The following ENAH variants were observed in gnomAD, a reference collection of about 807,000 sequenced individuals.
ENAH encodes protein enabled homolog.
ENAH carries 23 observed loss-of-function variants against 78.7 expected under a neutral mutation model. That is an observed-to-expected ratio of 0.29 (90% CI 0.21 to 0.41). The LOEUF is 0.41. Ranked by LOEUF, ENAH falls within the 10% of genes least tolerant of loss-of-function variation. The pLI is 1.00. For synonymous variants in ENAH, 226 were observed against 241.0 expected, an observed-to-expected ratio of 0.94 and a Z score of 0.58; for missense variants, 544 against 691.0, an observed-to-expected ratio of 0.79 and a Z score of 2.39.
intron 1 of ENAH, among the ~76,000 whole-genome samples, chr1:225,633,285 C>G (rs1024501263): frequency 6.6e-6 from 1 of 151,490 alleles, no homozygotes; most frequent in Non-Finnish European, 1.5e-5. Flanking sequence ...CTCCTGACCT[C>G]GTGATCCACC....
chr1:225,621,957 ATC>A (rs1657054888), intron 1 of ENAH, among the ~76,000 whole-genome samples: 1 of 152,132 alleles, frequency 6.6e-6, no homozygotes. Context: ...CCCTCTTCGT[ATC>A]TCTCACTTCA....
intron 7 of ENAH, 57 bp downstream of exon 7, chr1:225,514,539 T>C (rs1342298332): frequency 5.0e-6 from 6 of 1,200,072 alleles, no homozygotes; most frequent in East Asian, 4.8e-5. Context: ...AATTCAACAT[T>C]TTAGATATTT....
upstream of ENAH, among the ~76,000 whole-genome samples, chr1:225,653,868 T>C (rs574182110): frequency 6.6e-6 from 1 of 152,342 alleles, no homozygotes; most frequent in African/African-American, 2.4e-5. This position sits in a 1 kb window ranked among gnomAD's most constrained non-coding sequence, Gnocchi z 4.3. Flanking sequence ...GCTCCTTTTC[T>C]TCCCGAGGAA....
At chr1:225,508,789 A>G (rs1287011957) in intron 10 of ENAH, among the ~76,000 whole-genome samples, 1 of 152,200 alleles carries the variant, frequency 6.6e-6, no homozygotes, top group African/African-American at 2.4e-5. Context: ...TGGAGGAAAG[A>G]ATTTGGGCCA....
chr1:225,594,613 G>A (rs2096893613), intron 1 of ENAH, among the ~76,000 whole-genome samples: 1 of 152,102 alleles, frequency 6.6e-6, no homozygotes, highest in Admixed American at 6.5e-5. Flanking sequence ...CCAGTGTAGA[G>A]AACTGCATCA....
intron 1 of ENAH, among the ~76,000 whole-genome samples, chr1:225,584,171 T>A (rs1419042413): frequency 2.0e-5 from 3 of 152,100 alleles, no homozygotes; most frequent in African/African-American, 4.8e-5. Flanking sequence ...AAAAGGTAAA[T>A]ACAGGATAAA....
intron 1 of ENAH, among the ~76,000 whole-genome samples, chr1:225,573,276 T>C (rs1035420308): frequency 6.6e-6 from 1 of 152,222 alleles, no homozygotes; most frequent in African/African-American, 2.4e-5. Flanking sequence ...AGGCACTCTT[T>C]AAATGCTTTT....
chr1:225,619,303 G>A (rs182936532), intron 1 of ENAH, among the ~76,000 whole-genome samples: 1 of 152,216 alleles, frequency 6.6e-6, no homozygotes, highest in East Asian at 1.9e-4. Context: ...AGCACTTTGG[G>A]AGGCCAAGGC....
intron 1 of ENAH, among the ~76,000 whole-genome samples, chr1:225,586,422 G>GA (rs2096847324): frequency 6.6e-6 from 1 of 151,626 alleles, no homozygotes; most frequent in South Asian, 2.1e-4. Context: ...AATAGCTCAG[G>GA]AAAAAACAGC....
At chr1:225,533,570 T>G (rs1186327525) in intron 3 of ENAH, among the ~76,000 whole-genome samples, 3 of 152,146 alleles carry the variant, frequency 2.0e-5, no homozygotes, top group Non-Finnish European at 4.4e-5. Context: ...TTTGAGAGTT[T>G]GTTCTCTCCC....
rs185749464 is a variant in ENAH, at chr1:225,612,252, G to T, written c.5+40434C>A. Among the ~76,000 whole-genome samples the T allele has an allele frequency of 3.0e-4, 46 of 152,310 alleles. 1 individual carries two copies. The East Asian group carries it at 8.1e-3, about 27-fold the overall frequency. On this transcript the variant is annotated intron_variant, in intron 1 of 13. Transcript: ENST00000366843. ...AACGATGGAATATTAGCCATAAAAA[G>T]GGAAGACGTACTGACACTGCTATGA...
intron 5 of ENAH, among the ~76,000 whole-genome samples, chr1:225,518,201 A>G (rs2096436880): frequency 6.6e-6 from 1 of 152,246 alleles, no homozygotes; most frequent in Admixed American, 6.5e-5. Flanking sequence ...AAGGGGATGA[A>G]ATAAGTTTCC....
chr1:225,614,673 C>A (rs966251124), intron 1 of ENAH, among the ~76,000 whole-genome samples: 36 of 152,176 alleles, frequency 2.4e-4, no homozygotes, highest in South Asian at 2.1e-4. Context: ...CCAGCTCCCC[C>A]ACCCTGAAGC....
intron 1 of ENAH, among the ~76,000 whole-genome samples, chr1:225,618,387 T>A (rs1331445935): frequency 1.3e-5 from 2 of 152,140 alleles, no homozygotes; most frequent in Non-Finnish European, 2.9e-5. Flanking sequence ...AAAAGAATGG[T>A]CATCCAGATA....
chr1:225,557,234 T>C (rs2096671625), intron 2 of ENAH, among the ~76,000 whole-genome samples: 1 of 152,188 alleles, frequency 6.6e-6, no homozygotes, highest in Non-Finnish European at 1.5e-5. Context: ...AGTATCTTTA[T>C]AGGGGTCTTG....
At chr1:225,621,538 CGCCTCG>C (rs1256814711) in intron 1 of ENAH, among the ~76,000 whole-genome samples, 2 of 151,844 alleles carry the variant, frequency 1.3e-5, no homozygotes, top group African/African-American at 4.8e-5. Flanking sequence ...GTGATCCGCC[CGCCTCG>C]GCCTCCCAAA....
intron 1 of ENAH, among the ~76,000 whole-genome samples, chr1:225,647,119 G>A (rs777904702): frequency 1.1e-4 from 17 of 151,822 alleles, no homozygotes; most frequent in Non-Finnish European, 1.6e-4. Flanking sequence ...TCAGCTACTC[G>A]GGAGGCTGAG....
chr1:225,582,042 G>T (rs556279960), intron 1 of ENAH, among the ~76,000 whole-genome samples: 3 of 151,992 alleles, frequency 2.0e-5, no homozygotes, highest in Non-Finnish European at 4.4e-5. Flanking sequence ...CAATGTTGGG[G>T]GTGGGGCCTG....
intron 3 of ENAH, among the ~76,000 whole-genome samples, chr1:225,554,601 G>A (rs181264426): frequency 2.0e-5 from 3 of 152,196 alleles, no homozygotes; most frequent in Admixed American, 2.0e-4. Flanking sequence ...TACTTGCAAC[G>A]GAAGTGTTTC....
Sources: gnomAD v4.1 joint callset for allele counts (sites outside exome capture counted in the v4.1 genomes callset) on GRCh38, gnomAD v4.1.1 for gene constraint, Gnocchi (gnomAD v3.1) non-coding constraint, MANE v1.5 for transcripts, NCBI Gene and HGNC (gene_info 2026-07-23, HGNC 2026-07-21) for gene names.